Variants in ROR2 observed in about 807,000 individuals in gnomAD.
The protein encoded by ROR2 is tyrosine-protein kinase transmembrane receptor ROR2.
Under a neutral mutation model 74.9 loss-of-function variants are expected in ROR2, and 33 were observed. The ratio of observed to expected loss-of-function variants is 0.44; its 90% CI spans 0.33 to 0.59. The LOEUF (loss-of-function observed/expected upper bound fraction) is 0.59. Among genes scored for constraint, ROR2 ranks in the 20% least tolerant of loss-of-function variants. The pLI, the probability that ROR2 is intolerant of heterozygous loss-of-function variation, is 0.02. For synonymous variants in ROR2, 586 were observed against 558.7 expected (o/e 1.05, Z -0.69); for missense variants, 1,216 against 1,313.8 (o/e 0.93, Z 1.15).
At chr9:91,732,986 C>A (rs761878235) in intron 6 of ROR2, 136 bp downstream of exon 6, 3 of 868,628 alleles carry the variant, frequency 3.5e-6, no homozygotes, top group Non-Finnish European at 3.5e-6. Context: ...GGCTGTGGGG[C>A]CCTCGGCTGC....
At chr9:91,921,817 C>T (rs189233081) in intron 1 of ROR2, among the ~76,000 whole-genome samples, 97 of 148,520 alleles carry the variant, frequency 6.5e-4, no homozygotes, top group African/African-American at 2.3e-3. Context: ...GCCAAGATCG[C>T]GCCACTGCAC....
At chr9:91,839,282 G>A (rs1188812979) in intron 1 of ROR2, among the ~76,000 whole-genome samples, 1 of 138,524 alleles carries the variant, frequency 7.2e-6, no homozygotes, top group Non-Finnish European at 1.5e-5. Flanking sequence ...GTGTGTGTGT[G>A]TGTGTGTGTG....
chr9:91,758,044 A>G (rs931981778), intron 2 of ROR2, among the ~76,000 whole-genome samples: 5 of 152,186 alleles, frequency 3.3e-5, no homozygotes, highest in Admixed American at 3.3e-4. Flanking sequence ...TAAACAATAA[A>G]ATCACCAACA....
chr9:91,734,503 G>T (rs1203793514), intron 5 of ROR2, among the ~76,000 whole-genome samples: 1 of 152,176 alleles, frequency 6.6e-6, no homozygotes, highest in African/African-American at 2.4e-5. Context: ...TGTCAAGAAT[G>T]CTGGCCTTGA....
chr9:91,946,053 G>C (rs1316777241), intron 1 of ROR2, among the ~76,000 whole-genome samples: 1 of 152,110 alleles, frequency 6.6e-6, no homozygotes, highest in Non-Finnish European at 1.5e-5. Context: ...GTGGTGTTGT[G>C]GGGCAAAGCA....
intron 1 of ROR2, chr9:91,883,446 C>T (rs1413213499): frequency 6.6e-6 from 1 of 152,156 alleles, no homozygotes; most frequent in Non-Finnish European, 1.5e-5. Flanking sequence ...ACAGCACTGT[C>T]CAATATAGTA....
At chr9:91,774,506 G>A (rs1821350027) in intron 2 of ROR2, among the ~76,000 whole-genome samples, 1 of 152,162 alleles carries the variant, frequency 6.6e-6, no homozygotes, top group Non-Finnish European at 1.5e-5. Flanking sequence ...AGGTCATGAT[G>A]GGGGTGTTAT....
At position 91,741,608 on chromosome 9, in the gene ROR2, G is replaced by A. The variant is rs559165263; in HGVS notation, c.495-4090C>T. Among the ~76,000 whole-genome samples, 28 of 152,158 alleles carry A rather than the reference G, an allele frequency of 1.8e-4. 1 individual carries two copies. Among genetic ancestry groups the A allele is most frequent in the Admixed American group, 1.2e-3 (19 of 15,282 alleles). On this transcript the variant is annotated intron_variant, in intron 4 of 8. Transcript: ENST00000375708. Reference sequence around the variant, plus strand: ...CAAAATTCAAATGTAGCTACATATTGCATAGGAAGTTAACATTTTCCCCTA... The same window carrying A: ...CAAAATTCAAATGTAGCTACATATTACATAGGAAGTTAACATTTTCCCCTA...
intron 4 of ROR2, among the ~76,000 whole-genome samples, chr9:91,741,395 G>A (rs1423653913): frequency 1.3e-5 from 2 of 151,592 alleles, no homozygotes; most frequent in Non-Finnish European, 2.9e-5. Flanking sequence ...TAGGAGATCA[G>A]GGAGAAACAG....
intron 1 of ROR2, among the ~76,000 whole-genome samples, chr9:91,795,362 T>C (rs1346260195): frequency 6.6e-6 from 1 of 152,212 alleles, no homozygotes; most frequent in East Asian, 1.9e-4. Context: ...GAAATGTATA[T>C]TTTATGGTGA....
chr9:91,877,994 C>A (rs1482621281), intron 1 of ROR2, among the ~76,000 whole-genome samples: 1 of 152,046 alleles, frequency 6.6e-6, no homozygotes, highest in East Asian at 1.9e-4. Context: ...GGATGAGGAC[C>A]CCATAATTTA....
intron 1 of ROR2, among the ~76,000 whole-genome samples, chr9:91,794,395 G>C (rs1827102699): frequency 6.6e-6 from 1 of 152,190 alleles, no homozygotes; most frequent in South Asian, 2.1e-4. Context: ...AAAGTCGGCA[G>C]ACTCACCAGT....
intron 1 of ROR2, among the ~76,000 whole-genome samples, chr9:91,891,862 A>T (rs145932425): frequency 0.015 from 2,285 of 152,176 alleles, 60 homozygotes; most frequent in African/African-American, 0.052. Flanking sequence ...AGCCTGGCCA[A>T]TATGGTGAAA....
At chr9:91,876,048 G>A (rs1443148844) in intron 1 of ROR2, among the ~76,000 whole-genome samples, 9 of 140,510 alleles carry the variant, frequency 6.4e-5, no homozygotes, top group Admixed American at 2.7e-4. Flanking sequence ...CCTGCAGGGG[G>A]CAAAAAAAAA....
At chr9:91,874,178 A>G (rs1160496972) in intron 1 of ROR2, among the ~76,000 whole-genome samples, 2 of 152,100 alleles carry the variant, frequency 1.3e-5, no homozygotes, top group African/African-American at 4.8e-5. Flanking sequence ...AAGACCCTTC[A>G]TTTTCACTCC....
chr9:91,784,357 T>A (rs1246608438), intron 1 of ROR2, among the ~76,000 whole-genome samples: 3 of 152,238 alleles, frequency 2.0e-5, no homozygotes, highest in Non-Finnish European at 4.4e-5. Flanking sequence ...CTGCTCTCCA[T>A]GCAGCAGCCA....
chr9:91,929,056 T>C (rs78556670), intron 1 of ROR2, among the ~76,000 whole-genome samples: 21,650 of 152,266 alleles, frequency 0.14, 2,256 homozygotes, highest in East Asian at 0.28. Flanking sequence ...ATGGGCACTG[T>C]GGCTTTGTGC....
rs1233466142 is a variant in ROR2 at position 91,726,530 on chromosome 9, G to T, written c.1386+11C>A. On this transcript the variant is annotated intron_variant, in intron 8 of 8. Transcript: ENST00000375708. ...AGAGCCACCCGGGTAGAAAATGTAAGGCATGGAGACCTGTTTGTGCTGGTT... is the reference window on the plus strand; with the variant it reads ...AGAGCCACCCGGGTAGAAAATGTAATGCATGGAGACCTGTTTGTGCTGGTT... The T allele has an allele frequency of 1.2e-6, 2 of 1,611,158 alleles. No individual in the cohort carries two copies. The highest frequency in any genetic ancestry group is 1.7e-6 in the Non-Finnish European group (2 of 1,179,678).
chr9:91,888,227 A>AT (rs1830338543), intron 1 of ROR2, among the ~76,000 whole-genome samples: 1 of 152,164 alleles, frequency 6.6e-6, no homozygotes, highest in African/African-American at 2.4e-5. Flanking sequence ...TCCCAGGTTC[A>AT]TGAGTGTTTG....
Sources: allele counts gnomAD v4.1 joint callset (sites outside exome capture counted in the v4.1 genomes callset), GRCh38; gene constraint gnomAD v4.1.1; transcripts MANE v1.5; gene names NCBI Gene and HGNC (gene_info 2026-07-23, HGNC 2026-07-21).